PACS1: variants seen among roughly 807,000 people sequenced by gnomAD.
The protein encoded by PACS1 is PACS-1.
Under a neutral mutation model 115.0 loss-of-function variants are expected in PACS1, and 24 were observed. That is an observed-to-expected ratio of 0.21 (90% CI 0.15 to 0.29). The LOEUF is 0.29. PACS1 is among the 10% of genes least tolerant of loss of function. The probability of loss-of-function intolerance (pLI) is 1.00; values close to 1 mark genes in which losing one functional copy is unlikely to be tolerated. For missense variants in PACS1, 838 were observed against 1,251.2 expected (o/e 0.67, Z 4.98); for synonymous variants, 453 against 504.5 (o/e 0.90, Z 1.37).
chr11:66,230,801 G>C lies in PACS1; in HGVS notation c.1491-4G>C, dbSNP rs1000498364. On this transcript the variant is annotated splice_region_variant and splice_polypyrimidine_tract_variant and intron_variant, in intron 12 of 23. Transcript: ENST00000320580. ...TCACCAGCCTTTTTCCACCTCCCTG[G>C]CAGCAAAGTGGAGGGGGTGCACACA... 2.5e-6 allele frequency: 4 copies of C among 1,613,998 alleles called. No homozygotes were observed. The Admixed American group carries it at 6.7e-5, about 27-fold the overall frequency.
chr11:66,237,291 G>C (rs562836808), intron 19 of PACS1, among the ~76,000 whole-genome samples: 1 of 151,972 alleles, frequency 6.6e-6, no homozygotes, highest in Non-Finnish European at 1.5e-5. Context: ...CAAACTCTTG[G>C]ACTCAGGAGA....
intron 1 of PACS1, among the ~76,000 whole-genome samples, chr11:66,077,352 C>T (rs1857415060): frequency 6.6e-6 from 1 of 152,200 alleles, no homozygotes; most frequent in Non-Finnish European, 1.5e-5. Flanking sequence ...CACTTGAGCC[C>T]AGGAGTTTGA....
intron 1 of PACS1, among the ~76,000 whole-genome samples, chr11:66,072,267 C>T (rs1857321480): frequency 6.6e-6 from 1 of 151,912 alleles, no homozygotes; most frequent in Non-Finnish European, 1.5e-5. Context: ...GGGTAGTATT[C>T]TGTTGTGTGA....
At chr11:66,215,047 C>T (rs1043024367) in intron 4 of PACS1, among the ~76,000 whole-genome samples, 3 of 152,112 alleles carry the variant, frequency 2.0e-5, no homozygotes, top group Non-Finnish European at 4.4e-5. Context: ...ATTCTCCTGC[C>T]TCAGCCTCCT....
intron 1 of PACS1, among the ~76,000 whole-genome samples, chr11:66,158,368 T>C (rs943858282): frequency 1.3e-5 from 2 of 152,346 alleles, no homozygotes; most frequent in South Asian, 4.1e-4. Flanking sequence ...TTCTTGAGAA[T>C]TGAAAAATCT....
At chr11:66,107,861 G>T (rs1267490560) in intron 1 of PACS1, among the ~76,000 whole-genome samples, 1 of 152,200 alleles carries the variant, frequency 6.6e-6, no homozygotes, top group Non-Finnish European at 1.5e-5. Flanking sequence ...TCTTGGAGCT[G>T]CCATATCTAG....
intron 1 of PACS1, among the ~76,000 whole-genome samples, chr11:66,192,492 G>C (rs1345176308): frequency 2.6e-5 from 4 of 152,238 alleles, no homozygotes; most frequent in Admixed American, 2.6e-4. Context: ...CGGAGCCAAA[G>C]GAAAGTTAGT....
chr11:66,238,232 C>T, intron 19 of PACS1: 2 of 985,352 alleles, frequency 2.0e-6, no homozygotes, highest in Non-Finnish European at 2.4e-6. Context: ...CTGGTGTCCA[C>T]ACCTTAGCAC....
intron 20 of PACS1, 117 bp from the exon 21 acceptor site, chr11:66,239,025 C>A: frequency 6.6e-7 from 1 of 1,510,492 alleles, no homozygotes. Flanking sequence ...GTGGAAGGAG[C>A]CTGGGGCCAA....
At chr11:66,103,590 A>G (rs975735778) in intron 1 of PACS1, among the ~76,000 whole-genome samples, 7 of 140,604 alleles carry the variant, frequency 5.0e-5, no homozygotes, top group Admixed American at 4.6e-4. Flanking sequence ...ATCTCACTGC[A>G]GCCTCCACCT....
chr11:66,232,374 GGGGA>G, intron 14 of PACS1, 98 bp downstream of exon 14: 1 of 698,172 alleles, frequency 1.4e-6, no homozygotes, highest in Non-Finnish European at 2.5e-6. Context: ...GTGGGGAGGT[GGGGA>G]ACTCACCCCT....
Position 66,233,074 on chromosome 11 carries a change from C to A in PACS1, c.1838+8C>A. On this transcript the variant is annotated splice_region_variant and intron_variant, in intron 15 of 23. Transcript: ENST00000320580. This position sits in a 1 kb window ranked among gnomAD's most constrained non-coding sequence, Gnocchi z 4.5. ...CACCCGGATCCAGCGCTAGTAAGGG[C>A]TCTGGCCTCCCTTCTCCTGCCCTTA... is the stretch of plus-strand genomic sequence containing the variant. 1 of 1,591,160 alleles carries A rather than the reference C, an allele frequency of 6.3e-7. No homozygotes were observed. Among genetic ancestry groups the A allele is most frequent in the East Asian group, 2.2e-5 (1 of 44,806 alleles).
chr11:66,128,976 G>T lies in PACS1; in HGVS notation c.356+58134G>T, dbSNP rs569411921. On this transcript the variant is annotated intron_variant, in intron 1 of 23. Coordinates refer to ENST00000320580, the MANE Select transcript of PACS1 (RefSeq NM_018026.4). Reference sequence around the variant, plus strand: ...GTAAAGGGGTGGCGTGGCTGCAGAGGGGCACAAGGGATCTTTTGGGGTGAT... The same window carrying T: ...GTAAAGGGGTGGCGTGGCTGCAGAGTGGCACAAGGGATCTTTTGGGGTGAT... 3.9e-5 allele frequency among the ~76,000 whole-genome samples: 6 copies of T among 152,144 alleles called. No individual in the cohort carries two copies. The South Asian group carries it at 8.3e-4, about 21-fold the overall frequency.
At chr11:66,131,783 A>T (rs1392377886) in intron 1 of PACS1, among the ~76,000 whole-genome samples, 1 of 151,990 alleles carries the variant, frequency 6.6e-6, no homozygotes, top group African/African-American at 2.4e-5. Flanking sequence ...AAAAGGCATT[A>T]TCCTGTATTT....
At chr11:66,131,763 A>G (rs1270810043) in intron 1 of PACS1, among the ~76,000 whole-genome samples, 3 of 151,664 alleles carry the variant, frequency 2.0e-5, no homozygotes, top group Non-Finnish European at 2.9e-5. Context: ...CTCCATCTCT[A>G]TGTAAAAAAA....
At chr11:66,189,340 A>G (rs892833286) in intron 1 of PACS1, among the ~76,000 whole-genome samples, 1 of 152,224 alleles carries the variant, frequency 6.6e-6, no homozygotes, top group Non-Finnish European at 1.5e-5. Context: ...CTAAGGTACT[A>G]AATCTTTCTT....
At position 66,219,819 on chromosome 11, in the gene PACS1, C is replaced by G. The variant is rs1855300464; in HGVS notation, c.1038+14C>G. On this transcript the variant is annotated intron_variant, in intron 8 of 23. Coordinates refer to ENST00000320580, the MANE Select transcript of PACS1 (RefSeq NM_018026.4). ...GTTTCAGATGAGGTATGGCCTCTTA[C>G]TCCCAAGGTTAATGGTGAGTAGAAT... is the stretch of plus-strand genomic sequence containing the variant. The G allele has an allele frequency of 6.3e-7, 1 of 1,592,122 alleles. No individual in the cohort carries two copies. Among genetic ancestry groups the G allele is most frequent in the Non-Finnish European group, 8.6e-7 (1 of 1,160,112 alleles).
chr11:66,210,146 T>C (rs2134698403), intron 2 of PACS1, among the ~76,000 whole-genome samples: 1 of 151,968 alleles, frequency 6.6e-6, no homozygotes, highest in East Asian at 1.9e-4. Flanking sequence ...TCCTCGCACC[T>C]CAGCCTCCTG....
rs1239860694 is a variant in PACS1, at chr11:66,243,034, G to T, written c.2776+3G>T. On this transcript the variant is annotated splice_donor_region_variant and intron_variant, in intron 23 of 23. Transcript: ENST00000320580. Reference sequence around the variant, plus strand: ...GCAGCAGCAGACTATGCTGAGAGGTGCGAGGGCAGGCAGGGCCGGGAGGAG... The same window carrying T: ...GCAGCAGCAGACTATGCTGAGAGGTTCGAGGGCAGGCAGGGCCGGGAGGAG... 1 of 1,613,794 alleles carries T rather than the reference G, an allele frequency of 6.2e-7. No individual in the cohort carries two copies. The highest frequency in any genetic ancestry group is 1.3e-5 in the African/African-American group (1 of 74,882).
Sources: gnomAD v4.1 joint callset for allele counts (sites outside exome capture counted in the v4.1 genomes callset) on GRCh38, gnomAD v4.1.1 for gene constraint, Gnocchi (gnomAD v3.1) non-coding constraint, MANE v1.5 for transcripts, NCBI Gene and HGNC (gene_info 2026-07-23, HGNC 2026-07-21) for gene names.